DDX6: variants seen among roughly 807,000 people sequenced by gnomAD.
DDX6 encodes probable ATP-dependent RNA helicase DDX6.
A neutral mutation model predicts 60.6 loss-of-function variants in DDX6; 7 were observed. That is an observed-to-expected ratio of 0.12 (90% CI 0.07 to 0.22). The LOEUF (loss-of-function observed/expected upper bound fraction) is 0.22, where lower values mean the gene tolerates loss of function less well. Ranked by LOEUF, DDX6 falls within the 10% of genes least tolerant of loss-of-function variation. The pLI, the probability that DDX6 is intolerant of heterozygous loss-of-function variation, is 1.00. For missense variants in DDX6, 270 were observed against 589.9 expected, an observed-to-expected ratio of 0.46 and a Z score of 5.62; for synonymous variants, 207 against 201.0, an observed-to-expected ratio of 1.03 and a Z score of -0.25.
At position 118,760,744 on chromosome 11, in the gene DDX6, T is replaced by G. The variant is rs1277618143; in HGVS notation, c.742-700A>C. Among the ~76,000 whole-genome samples, 8 of 150,014 alleles carry G rather than the reference T, an allele frequency of 5.3e-5. No homozygotes were observed. In the East Asian group the frequency reaches 1.6e-3, roughly 29 times the overall value. The stretch of plus-strand genomic sequence containing the variant: ...GCTGGGGCAGGAGAATCGCTTGAAC[T>G]TGGGAGGCGGACGCTGCAGTGAGCC... On this transcript the variant is annotated intron_variant, in intron 7 of 13. Coordinates refer to ENST00000534980, the MANE Select transcript of DDX6 (RefSeq NM_004397.6).
At chr11:118,756,028 C>G (rs568244225) in intron 11 of DDX6, among the ~76,000 whole-genome samples, 2 of 97,294 alleles carry the variant, frequency 2.1e-5, no homozygotes, top group African/African-American at 7.0e-5. Flanking sequence ...CCCCCCCCCC[C>G]CAAAAAAAAG....
In DDX6 at chr11:118,760,054, A is replaced by T; in HGVS notation, c.742-10T>A. On this transcript the variant is annotated splice_polypyrimidine_tract_variant and intron_variant, in intron 7 of 13. Transcript: ENST00000534980. ...ACAGCAACTTATCTGCCTGCAGTAGAAAGAAAAGACAATTTTAAAAACAAT... is the reference window on the plus strand; with the variant it reads ...ACAGCAACTTATCTGCCTGCAGTAGTAAGAAAAGACAATTTTAAAAACAAT... The T allele has an allele frequency of 6.2e-7, 1 of 1,609,164 alleles. No individual in the cohort carries two copies. The highest frequency in any genetic ancestry group is 8.5e-7 in the Non-Finnish European group (1 of 1,178,648).
chr11:118,776,443 T>C (rs1158265939), intron 4 of DDX6, among the ~76,000 whole-genome samples: 2 of 152,162 alleles, frequency 1.3e-5, no homozygotes, highest in African/African-American at 2.4e-5. Context: ...ATGAGTTACC[T>C]AAGTTTCATC....
intron 4 of DDX6, among the ~76,000 whole-genome samples, chr11:118,775,724 T>C (rs1472835399): frequency 7.9e-5 from 12 of 152,224 alleles, no homozygotes; most frequent in African/African-American, 2.7e-4. Context: ...ATTGGTTAAG[T>C]GGCTGAAGAG....
intron 2 of DDX6, among the ~76,000 whole-genome samples, chr11:118,785,066 A>T (rs6421569): frequency 6.6e-6 from 1 of 152,112 alleles, no homozygotes; most frequent in Admixed American, 6.5e-5. Context: ...CTGCACCCGG[A>T]CCTATATGGC....
At position 118,750,525 on chromosome 11, in the gene DDX6, G is replaced by A. The variant is rs1860723041; in HGVS notation, c.*1580C>T. 6.6e-6 allele frequency: 1 copy of A among 152,050 alleles called. No individual in the cohort carries two copies. Among genetic ancestry groups the A allele is most frequent in the Non-Finnish European group, 1.5e-5 (1 of 68,010 alleles). The allele number at this position is 152,050 out of a possible 1,614,324, so 9.4% of individuals were successfully genotyped here. A position where few individuals can be genotyped will look rare whatever the true frequency, so the allele number is the denominator to read the frequency against. On this transcript the variant is annotated 3_prime_UTR_variant, in exon 14 of 14. Transcript: ENST00000534980. ...AGTTTATGTATCAAAGCGGGCAGAG[G>A]GCAACACATTTACACACTACAGGAA...
At chr11:118,783,782 G>A (rs1861980275) in intron 2 of DDX6, among the ~76,000 whole-genome samples, 1 of 129,198 alleles carries the variant, frequency 7.7e-6, no homozygotes, top group South Asian at 2.6e-4. Context: ...ACTCTAGCCT[G>A]GGCAACAGAG....
intron 13 of DDX6, among the ~76,000 whole-genome samples, chr11:118,753,136 C>G (rs1322566305): frequency 6.6e-6 from 1 of 152,102 alleles, no homozygotes; most frequent in African/African-American, 2.4e-5. Flanking sequence ...TCAAGAGATT[C>G]TCCTGCCTCA....
At chr11:118,772,441 C>T (rs1490019824) in intron 4 of DDX6, among the ~76,000 whole-genome samples, 1 of 152,118 alleles carries the variant, frequency 6.6e-6, no homozygotes, top group Non-Finnish European at 1.5e-5. Flanking sequence ...ATGACATGTC[C>T]AGACTAGGCA....
chr11:118,782,634 T>C (rs1475140901), intron 2 of DDX6, among the ~76,000 whole-genome samples: 3 of 116,888 alleles, frequency 2.6e-5, no homozygotes, highest in Non-Finnish European at 5.0e-5. Context: ...AGACTACTAC[T>C]GTACTAAAGC....
rs1335858473 is a variant in DDX6 at position 118,760,515 on chromosome 11, G to T, written c.742-471C>A. ...TGATTCTCATTAAAGAGGTAGTATGGTGTAGTGTTTAAAAGTACGGGTTCT... is the reference window on the plus strand; with the variant it reads ...TGATTCTCATTAAAGAGGTAGTATGTTGTAGTGTTTAAAAGTACGGGTTCT... On this transcript the variant is annotated intron_variant, in intron 7 of 13. Coordinates refer to ENST00000534980, the MANE Select transcript of DDX6 (RefSeq NM_004397.6). Among the ~76,000 whole-genome samples, 3 of 152,080 alleles carry T rather than the reference G, an allele frequency of 2.0e-5. 1 individual carries two copies. Among genetic ancestry groups the T allele is most frequent in the Admixed American group, 1.3e-4 (2 of 15,256 alleles).
chr11:118,769,683 A>T (rs79598487), intron 4 of DDX6, among the ~76,000 whole-genome samples: 131,287 of 152,092 alleles, frequency 0.86, 56,848 homozygotes, highest in East Asian at 1. Flanking sequence ...TTGATCGTTG[A>T]AAAATTGTTA....
chr11:118,776,194 T>C (rs1311937881), intron 4 of DDX6, among the ~76,000 whole-genome samples: 13 of 152,204 alleles, frequency 8.5e-5, no homozygotes, highest in African/African-American at 3.1e-4. Context: ...AATTTCCTTT[T>C]TTGAAACTAT....
intron 4 of DDX6, among the ~76,000 whole-genome samples, chr11:118,771,541 T>G (rs1256158911): frequency 6.6e-6 from 1 of 152,060 alleles, no homozygotes; most frequent in Non-Finnish European, 1.5e-5. Context: ...CAGGAAATAA[T>G]GAAAAGCAAG....
At chr11:118,777,830 G>A (rs986728265) in intron 4 of DDX6, among the ~76,000 whole-genome samples, 3 of 146,784 alleles carry the variant, frequency 2.0e-5, no homozygotes, top group Non-Finnish European at 3.0e-5. Flanking sequence ...GGAAGGCTGC[G>A]GTGAGCCAAG....
At chr11:118,757,409 T>C (rs567333749) in intron 9 of DDX6, 122 bp from the exon 10 acceptor site, 1 of 521,312 alleles carries the variant, frequency 1.9e-6, no homozygotes. Flanking sequence ...TAGAATCTCA[T>C]GATATGAGAG....
intron 10 of DDX6, 104 bp downstream of exon 10, chr11:118,757,067 A>G: frequency 1.7e-6 from 1 of 604,776 alleles, no homozygotes; most frequent in Non-Finnish European, 2.6e-6. Flanking sequence ...TTGGCTACTA[A>G]GGAACAGTTT....
chr11:118,789,997 T>C (rs1411005310), intron 1 of DDX6: 1 of 152,154 alleles, frequency 6.6e-6, no homozygotes, highest in Non-Finnish European at 1.5e-5. Context: ...CGGAGTTAAT[T>C]ACAGCACTTC....
intron 4 of DDX6, 143 bp from the exon 5 acceptor site, chr11:118,768,495 GA>G: frequency 3.8e-6 from 3 of 793,662 alleles, no homozygotes. Flanking sequence ...ATGAATAGCA[GA>G]GATCCAAGTA....
Sources: allele counts gnomAD v4.1 joint callset (sites outside exome capture counted in the v4.1 genomes callset), GRCh38; gene constraint gnomAD v4.1.1; transcripts MANE v1.5; gene names NCBI Gene and HGNC (gene_info 2026-07-23, HGNC 2026-07-21).